The following DYNC1I1 variants were observed in gnomAD, a reference collection of about 807,000 sequenced individuals.
DYNC1I1 encodes cytoplasmic dynein 1 intermediate chain 1.
DYNC1I1 carries 43 observed loss-of-function variants against 86.6 expected under a neutral mutation model. The ratio of observed to expected loss-of-function variants is 0.50; its 90% CI spans 0.39 to 0.64. The LOEUF is 0.64. Among genes scored for constraint, DYNC1I1 ranks in the 30% least tolerant of loss-of-function variants. The pLI is 0.00. For missense variants in DYNC1I1, 604 were observed against 788.8 expected, an observed-to-expected ratio of 0.77 and a Z score of 2.81; for synonymous variants, 262 against 283.7, an observed-to-expected ratio of 0.92 and a Z score of 0.77.
intron 10 of DYNC1I1, among the ~76,000 whole-genome samples, chr7:96,016,003 A>G (rs1794392147): frequency 6.6e-6 from 1 of 152,162 alleles, no homozygotes; most frequent in Non-Finnish European, 1.5e-5. Flanking sequence ...TGCCTTAGAC[A>G]TAAGCATATC....
intron 1 of DYNC1I1, among the ~76,000 whole-genome samples, chr7:95,776,059 G>T (rs948556050): frequency 6.6e-6 from 1 of 152,114 alleles, no homozygotes; most frequent in Non-Finnish European, 1.5e-5. Context: ...CAGGCTGGAG[G>T]CTCGTGCCTG....
intron 4 of DYNC1I1, chr7:95,818,473 ATTTTTTTTT>A (rs10590197): frequency 1.7e-6 from 1 of 573,298 alleles, no homozygotes; most frequent in African/African-American, 2.1e-5. Flanking sequence ...AGCTGATTTA[ATTTTTTTTT>A]TTTTTTTTTT....
intron 6 of DYNC1I1, among the ~76,000 whole-genome samples, chr7:95,955,000 G>A (rs1432066381): frequency 1.3e-5 from 2 of 150,354 alleles, no homozygotes; most frequent in Admixed American, 1.3e-4. Context: ...TCATATGTCA[G>A]TGCTATGCAA....
Position 96,091,741 on chromosome 7 carries a change from G to T in DYNC1I1, c.1777-5742G>T, listed in dbSNP as rs1157469196. Among the ~76,000 whole-genome samples, 20 of 152,242 alleles carry T rather than the reference G, an allele frequency of 1.3e-4. 1 individual carries two copies. The East Asian group carries it at 3.9e-3, about 29-fold the overall frequency. ...TATTCAAAATAGTTATTAGCCATGT[G>T]ATTATAAAAAGGAACACATGAATGA... On this transcript the variant is annotated intron_variant, in intron 16 of 16. Transcript: ENST00000447467.
At chr7:95,940,647 A>G (rs1792184476) in intron 6 of DYNC1I1, among the ~76,000 whole-genome samples, 1 of 152,190 alleles carries the variant, frequency 6.6e-6, no homozygotes, top group African/African-American at 2.4e-5. Flanking sequence ...TTTCAGCTCT[A>G]TCAGCTCCTT....
At chr7:95,811,734 C>T (rs1478029286) in intron 3 of DYNC1I1, among the ~76,000 whole-genome samples, 14 of 152,024 alleles carry the variant, frequency 9.2e-5, no homozygotes, top group Non-Finnish European at 1.0e-4. Flanking sequence ...ACCTAGGGGA[C>T]GTTATATTTG....
chr7:96,041,467 T>C (rs1450472845), intron 14 of DYNC1I1, among the ~76,000 whole-genome samples: 1 of 152,208 alleles, frequency 6.6e-6, no homozygotes, highest in Non-Finnish European at 1.5e-5. Flanking sequence ...TCTAGGAATC[T>C]ATGCCAAAGA....
At chr7:95,886,843 C>A (rs1361825195) in intron 6 of DYNC1I1, among the ~76,000 whole-genome samples, 1 of 152,156 alleles carries the variant, frequency 6.6e-6, no homozygotes, top group Non-Finnish European at 1.5e-5. Context: ...GGAAACACTT[C>A]CTTGTGAGTG....
chr7:96,100,248 T>TGTC (rs1197941662), downstream of DYNC1I1, among the ~76,000 whole-genome samples: 1 of 152,172 alleles, frequency 6.6e-6, no homozygotes, highest in East Asian at 1.9e-4. Flanking sequence ...CAGGACTTTA[T>TGTC]GTCAGCATTG....
chr7:95,824,325 T>C (rs1375148961), intron 4 of DYNC1I1, among the ~76,000 whole-genome samples: 1 of 152,078 alleles, frequency 6.6e-6, no homozygotes, highest in Non-Finnish European at 1.5e-5. Context: ...TCATAAGAGC[T>C]GTAGGTTCCT....
chr7:95,959,302 T>C (rs1376996001), intron 6 of DYNC1I1, among the ~76,000 whole-genome samples: 4 of 152,144 alleles, frequency 2.6e-5, no homozygotes, highest in African/African-American at 9.7e-5. Context: ...CAACAGGGCC[T>C]TTTAGCAACT....
At chr7:96,068,917 C>G (rs1157599475) in intron 14 of DYNC1I1, among the ~76,000 whole-genome samples, 2 of 152,156 alleles carry the variant, frequency 1.3e-5, no homozygotes, top group Non-Finnish European at 2.9e-5. Context: ...AACTTATCCA[C>G]TAGTAAAATG....
intron 5 of DYNC1I1, among the ~76,000 whole-genome samples, chr7:95,867,925 T>TCAGGCAG (rs1790056832): frequency 1.3e-5 from 2 of 152,364 alleles, no homozygotes; most frequent in South Asian, 4.1e-4. Context: ...AAGACCCACT[T>TCAGGCAG]CAGGCAGGAA....
At chr7:95,909,243 T>TGGG (rs55986463) in intron 6 of DYNC1I1, among the ~76,000 whole-genome samples, 37 of 40,368 alleles carry the variant, frequency 9.2e-4, no homozygotes, top group African/African-American at 1.2e-3. Context: ...GGGAGGGGGG[T>TGGG]GGGGGGGGGG....
At chr7:95,894,837 G>A (rs2116283721) in intron 6 of DYNC1I1, among the ~76,000 whole-genome samples, 1 of 152,294 alleles carries the variant, frequency 6.6e-6, no homozygotes, top group African/African-American at 2.4e-5. Flanking sequence ...AAGTCAGTTG[G>A]TGAGAGGTCA....
intron 1 of DYNC1I1, among the ~76,000 whole-genome samples, chr7:95,782,163 C>T (rs1395887278): frequency 1.3e-5 from 2 of 152,188 alleles, no homozygotes; most frequent in Non-Finnish European, 2.9e-5. Flanking sequence ...TGACATATGA[C>T]ACCTCTACTC....
At chr7:95,805,369 A>G (rs936586314) in intron 2 of DYNC1I1, among the ~76,000 whole-genome samples, 1 of 152,138 alleles carries the variant, frequency 6.6e-6, no homozygotes, top group Non-Finnish European at 1.5e-5. Context: ...TATATTTTTT[A>G]TGGTAAATAA....
chr7:95,783,448 G>A (rs1028930485), intron 1 of DYNC1I1, among the ~76,000 whole-genome samples: 2 of 152,116 alleles, frequency 1.3e-5, no homozygotes, highest in African/African-American at 4.8e-5. Context: ...GATCGTAGGG[G>A]CCAATGTCTA....
At chr7:96,052,735 A>G (rs1789440866) in intron 14 of DYNC1I1, among the ~76,000 whole-genome samples, 1 of 152,194 alleles carries the variant, frequency 6.6e-6, no homozygotes, top group African/African-American at 2.4e-5. Context: ...GAATAATGAA[A>G]GGACAGCTCT....
Sources: allele counts gnomAD v4.1 joint callset (sites outside exome capture counted in the v4.1 genomes callset), GRCh38; gene constraint gnomAD v4.1.1; transcripts MANE v1.5; gene names NCBI Gene and HGNC (gene_info 2026-07-23, HGNC 2026-07-21).